Variants in DOK5 observed in about 807,000 individuals in gnomAD.
DOK5 encodes the protein docking protein 5.
In DOK5, 27 loss-of-function variants were observed where a neutral mutation model predicts 43.3. That is an observed-to-expected ratio of 0.62 (90% CI 0.46 to 0.86). The LOEUF is 0.86. Among genes scored for constraint, DOK5 ranks in the 40% least tolerant of loss-of-function variants. The pLI, the probability that DOK5 is intolerant of heterozygous loss-of-function variation, is 0.00. For missense variants in DOK5, 373 were observed against 392.9 expected (o/e 0.95, Z 0.43); for synonymous variants, 146 against 140.1 (o/e 1.04, Z -0.30).
At chr20:54,604,793 G>A (rs1395828251) in intron 5 of DOK5, among the ~76,000 whole-genome samples, 1 of 152,000 alleles carries the variant, frequency 6.6e-6, no homozygotes, top group Admixed American at 6.6e-5. Flanking sequence ...CCGAGGTCAG[G>A]AGTTCGAGAC....
Position 54,628,551 on chromosome 20 carries a change from G to A in DOK5, c.736-14907G>A, listed in dbSNP as rs6098125. On this transcript the variant is annotated intron_variant, in intron 6 of 7. Coordinates refer to ENST00000262593, the MANE Select transcript of DOK5 (RefSeq NM_018431.5). ...ACAGGACTCTGTCTGTATGCCCTAA[G>A]AATGACTTACTCTTCTCATCAGCAC... is the stretch of plus-strand genomic sequence containing the variant. 4.7e-5 allele frequency among the ~76,000 whole-genome samples: 7 copies of A among 148,540 alleles called. No homozygotes were observed. The Admixed American group carries it at 4.8e-4, about 10-fold the overall frequency.
At position 54,632,541 on chromosome 20, in the gene DOK5, C is replaced by CT. The variant is rs546231418; in HGVS notation, c.736-10911dup. Among the ~76,000 whole-genome samples the CT allele has an allele frequency of 9.9e-5, 15 of 152,248 alleles. No individual in the cohort carries two copies. The East Asian group carries it at 2.7e-3, about 27-fold the overall frequency. The stretch of plus-strand genomic sequence containing the variant: ...CTGCAAAGCGAGAACTATTTTCTCT[C>CT]TTTTTTACTGACCAGATATTGAGGA... On this transcript the variant is annotated intron_variant, in intron 6 of 7. Coordinates refer to ENST00000262593, the MANE Select transcript of DOK5 (RefSeq NM_018431.5).
intron 6 of DOK5, among the ~76,000 whole-genome samples, chr20:54,620,932 G>A (rs940377859): frequency 2.0e-5 from 3 of 152,144 alleles, no homozygotes; most frequent in Non-Finnish European, 4.4e-5. Context: ...AAGAAGTTAA[G>A]TGTCCACCAC....
At chr20:54,497,479 A>G (rs1982445486) in intron 1 of DOK5, among the ~76,000 whole-genome samples, 1 of 152,198 alleles carries the variant, frequency 6.6e-6, no homozygotes, top group Non-Finnish European at 1.5e-5. Flanking sequence ...GAGGAGTGGA[A>G]GGTTAAAAGG....
chr20:54,594,860 G>A (rs1016312399), intron 5 of DOK5, among the ~76,000 whole-genome samples: 13 of 152,100 alleles, frequency 8.5e-5, no homozygotes, highest in Non-Finnish European at 1.2e-4. Flanking sequence ...TCCTGCAAAC[G>A]TTTAATTTAT....
At chr20:54,564,660 T>C (rs1985032418) in intron 2 of DOK5, among the ~76,000 whole-genome samples, 1 of 152,136 alleles carries the variant, frequency 6.6e-6, no homozygotes, top group South Asian at 2.1e-4. Context: ...AGTATGACCA[T>C]GGTTGAAACA....
intron 1 of DOK5, among the ~76,000 whole-genome samples, chr20:54,485,069 C>T (rs1600652712): frequency 6.6e-6 from 1 of 151,996 alleles, no homozygotes; most frequent in East Asian, 1.9e-4. Context: ...TGATGGCTCA[C>T]GCCTGTAATC....
At chr20:54,516,262 GA>G (rs577778559) in intron 1 of DOK5, among the ~76,000 whole-genome samples, 22 of 152,172 alleles carry the variant, frequency 1.4e-4, no homozygotes, top group East Asian at 3.9e-4. Context: ...ATTACAGTAA[GA>G]AAAAAATATG....
chr20:54,642,019 A>G (rs1762534228), intron 6 of DOK5, among the ~76,000 whole-genome samples: 1 of 152,212 alleles, frequency 6.6e-6, no homozygotes, highest in Non-Finnish European at 1.5e-5. Context: ...ACACAATGGC[A>G]TAATCAACCT....
At chr20:54,484,379 C>CAAAAAAAAAAAAAA in intron 1 of DOK5, among the ~76,000 whole-genome samples, 1 of 136,620 alleles carries the variant, frequency 7.3e-6, no homozygotes, top group East Asian at 2.1e-4. Context: ...GACTTCATCT[C>CAAAAAAAAAAAAAA]AAAAAAAAAA....
intron 5 of DOK5, among the ~76,000 whole-genome samples, chr20:54,608,282 T>C (rs899915512): frequency 6.6e-6 from 1 of 152,224 alleles, no homozygotes; most frequent in African/African-American, 2.4e-5. Context: ...TACAGTGACC[T>C]CTGCCCCAGG....
intron 1 of DOK5, among the ~76,000 whole-genome samples, chr20:54,530,717 C>T (rs377044335): frequency 5.3e-5 from 8 of 152,076 alleles, no homozygotes; most frequent in African/African-American, 1.9e-4. Flanking sequence ...CCCATGTGCA[C>T]GTTAATAAAT....
rs1294711045 is a variant in DOK5 at position 54,591,690 on chromosome 20, G to A, written c.484G>A (p.Glu162Lys). Residue 162 changes from glutamate to lysine, a missense_variant, in exon 5 of 8, where the codon GAG (glutamate) becomes AAG (lysine). Transcript: ENST00000262593. The part of the protein sequence containing the change: ...HGECALQITY[E>K]YICLWDVQNP... The stretch of plus-strand genomic sequence containing the variant: ...CGAATGTGCCTTGCAGATTACATAT[G>A]AGTATATCTGTCTTTGGGACGTCCA... 6.2e-7 allele frequency: 1 copy of A among 1,614,066 alleles called. No individual in the cohort carries two copies. Among genetic ancestry groups the A allele is most frequent in the Non-Finnish European group, 8.5e-7 (1 of 1,179,928 alleles).
intron 5 of DOK5, among the ~76,000 whole-genome samples, chr20:54,593,540 A>C (rs1180242757): frequency 6.6e-6 from 1 of 152,162 alleles, no homozygotes; most frequent in Non-Finnish European, 1.5e-5. Context: ...TTATAAGAAA[A>C]TCCCAGGCCA....
intron 1 of DOK5, among the ~76,000 whole-genome samples, chr20:54,482,054 A>G (rs897218637): frequency 6.6e-6 from 1 of 152,258 alleles, no homozygotes; most frequent in African/African-American, 2.4e-5. Context: ...TAGTTAGGAA[A>G]ACAAACTTAG....
At position 54,591,899 on chromosome 20, in the gene DOK5, A is replaced by G. The variant is rs1173000042; in HGVS notation, c.599+94A>G. On this transcript the variant is annotated intron_variant, in intron 5 of 7. Coordinates refer to ENST00000262593, the MANE Select transcript of DOK5 (RefSeq NM_018431.5). ...GCATCATATGAGGCGGTAGGTTTAC[A>G]TATGAGATCCAGCTGAAGTACACTT... is the stretch of plus-strand genomic sequence containing the variant. 1.7e-5 allele frequency: 19 copies of G among 1,111,260 alleles called. No homozygotes were observed. The South Asian group carries it at 3.2e-4, about 19-fold the overall frequency. The allele number at this position is 1,111,260 out of a possible 1,614,324, so 68.8% of individuals were successfully genotyped here.
intron 1 of DOK5, among the ~76,000 whole-genome samples, chr20:54,537,580 A>G (rs1260598386): frequency 6.6e-6 from 1 of 152,232 alleles, no homozygotes; most frequent in Non-Finnish European, 1.5e-5. Context: ...CAACATCAGA[A>G]TAGAGAGAAC....
chr20:54,626,716 T>C (rs1258903247), intron 6 of DOK5, among the ~76,000 whole-genome samples: 1 of 152,144 alleles, frequency 6.6e-6, no homozygotes, highest in Non-Finnish European at 1.5e-5. Context: ...AAGATGGGTG[T>C]CGTGATGCAA....
intron 1 of DOK5, among the ~76,000 whole-genome samples, chr20:54,521,414 T>G (rs1480204943): frequency 1.3e-5 from 2 of 152,058 alleles, no homozygotes; most frequent in Non-Finnish European, 2.9e-5. Context: ...GACTAGAAAT[T>G]TATAGGTTCC....
Sources: allele counts gnomAD v4.1 joint callset (sites outside exome capture counted in the v4.1 genomes callset), GRCh38; gene constraint gnomAD v4.1.1; transcripts MANE v1.5; gene names NCBI Gene and HGNC (gene_info 2026-07-23, HGNC 2026-07-21).